Variants in RABGAP1L observed in about 807,000 individuals in gnomAD.
RABGAP1L encodes the protein rab GTPase-activating protein 1-like.
In RABGAP1L, 63 loss-of-function variants were observed where a neutral mutation model predicts 137.7. That is an observed-to-expected ratio of 0.46 (90% CI 0.37 to 0.56). RABGAP1L has a LOEUF of 0.56. Ranked by LOEUF, RABGAP1L falls within the 20% of genes least tolerant of loss-of-function variation. The pLI, the probability that RABGAP1L is intolerant of heterozygous loss-of-function variation, is 0.00. For missense variants in RABGAP1L, 1,095 were observed against 1,244.0 expected, an observed-to-expected ratio of 0.88 and a Z score of 1.80; for synonymous variants, 431 against 433.7, an observed-to-expected ratio of 0.99 and a Z score of 0.08.
At position 174,367,584 on chromosome 1, in the gene RABGAP1L, T is replaced by A. The variant is rs1684761169; in HGVS notation, c.1466-3395T>A. ...TTTCTGTTTAGCTGGTTAGGTCTCT[T>A]GAGAACTGCAACTGGTTTCCTATGC... On this transcript the variant is annotated intron_variant, in intron 11 of 25. Coordinates refer to ENST00000681986, the MANE Select transcript of RABGAP1L (RefSeq NM_001366446.1). 1.5e-5 allele frequency: 4 copies of A among 273,546 alleles called. No homozygotes were observed. In the Middle Eastern group the frequency reaches 1.5e-3, roughly 100 times the overall value. 16.9% of individuals were successfully genotyped at this position (273,546 alleles called of 1,614,324 possible). A position where few individuals can be genotyped will look rare whatever the true frequency, so the allele number is the denominator to read the frequency against.
At chr1:174,643,349 G>A (rs926643879) in intron 14 of RABGAP1L, among the ~76,000 whole-genome samples, 1 of 152,152 alleles carries the variant, frequency 6.6e-6, no homozygotes, top group Non-Finnish European at 1.5e-5. Flanking sequence ...CTAGTAAGCT[G>A]CTTTGAATTA....
At chr1:174,404,458 T>C (rs1354611355) in intron 13 of RABGAP1L, among the ~76,000 whole-genome samples, 1 of 152,156 alleles carries the variant, frequency 6.6e-6, no homozygotes, top group Non-Finnish European at 1.5e-5. Flanking sequence ...TATGCATCAA[T>C]GCGTTAAATA....
intron 17 of RABGAP1L, among the ~76,000 whole-genome samples, chr1:174,749,098 C>T (rs916226663): frequency 2.6e-5 from 4 of 151,380 alleles, no homozygotes; most frequent in Non-Finnish European, 5.9e-5. Flanking sequence ...ATCGCCTGAA[C>T]CCAGGAAGTG....
chr1:174,666,126 G>T (rs1676767987), intron 14 of RABGAP1L, among the ~76,000 whole-genome samples: 2 of 152,150 alleles, frequency 1.3e-5, no homozygotes, highest in African/African-American at 4.8e-5. Flanking sequence ...TGTGAGAACA[G>T]ATCTCTTCTT....
Position 174,784,803 on chromosome 1 carries a change from C to T in RABGAP1L, c.2212-27029C>T, listed in dbSNP as rs142935591. ...ACCTGGTACTAGGCTTTTACATGTT[C>T]TACAAGCCCTTGCATGGTTGAGGAA... On this transcript the variant is annotated intron_variant, in intron 18 of 25. Transcript: ENST00000681986. Among the ~76,000 whole-genome samples the T allele has an allele frequency of 2.5e-3, 376 of 152,294 alleles. 3 individuals are homozygous for T. Among genetic ancestry groups the T allele is most frequent in the African/African-American group, 8.6e-3 (357 of 41,550 alleles).
intron 11 of RABGAP1L, among the ~76,000 whole-genome samples, chr1:174,339,845 G>A (rs1681816411): frequency 6.6e-6 from 1 of 152,056 alleles, no homozygotes. Flanking sequence ...GACCTCAAGT[G>A]ATCCACCCAC....
chr1:174,679,155 C>T (rs1677865014), intron 14 of RABGAP1L, among the ~76,000 whole-genome samples: 2 of 152,172 alleles, frequency 1.3e-5, no homozygotes, highest in South Asian at 4.1e-4. Flanking sequence ...TTGGCTATTT[C>T]TTTACCTCCT....
At chr1:174,752,506 C>T (rs1684417702) in intron 18 of RABGAP1L, 152 bp downstream of exon 18, 1 of 534,346 alleles carries the variant, frequency 1.9e-6, no homozygotes, top group African/African-American at 2.0e-5. Flanking sequence ...CCTCTTCCCT[C>T]CTCTCATCTT....
intron 11 of RABGAP1L, among the ~76,000 whole-genome samples, chr1:174,337,928 A>C (rs182820122): frequency 6.6e-6 from 1 of 152,324 alleles, no homozygotes; most frequent in Admixed American, 6.5e-5. Context: ...AATAGGAATA[A>C]ACAGTTTAAA....
At chr1:174,577,045 T>C (rs1308950479) in intron 13 of RABGAP1L, among the ~76,000 whole-genome samples, 1 of 152,032 alleles carries the variant, frequency 6.6e-6, no homozygotes, top group Non-Finnish European at 1.5e-5. Context: ...TAGCTGGGCA[T>C]TGTGGCATGC....
chr1:174,629,011 CATT>C (rs1305203119), intron 13 of RABGAP1L, among the ~76,000 whole-genome samples: 3 of 152,124 alleles, frequency 2.0e-5, no homozygotes, highest in African/African-American at 7.2e-5. Flanking sequence ...CCTCTTTCTT[CATT>C]ATATTTCTTG....
At chr1:174,632,587 C>G (rs1013566121) in intron 13 of RABGAP1L, among the ~76,000 whole-genome samples, 2 of 149,894 alleles carry the variant, frequency 1.3e-5, no homozygotes, top group South Asian at 4.2e-4. Flanking sequence ...AGGCTTTGCT[C>G]ATTTCTTTTT....
chr1:174,956,650 C>CTTT (rs749236387), intron 19 of RABGAP1L, among the ~76,000 whole-genome samples: 1 of 139,766 alleles, frequency 7.2e-6, no homozygotes, highest in African/African-American at 2.6e-5. Flanking sequence ...CTCTTCTCTT[C>CTTT]TTTTTTTTTT....
At chr1:174,758,619 T>C (rs1014103173) in intron 18 of RABGAP1L, among the ~76,000 whole-genome samples, 1 of 152,196 alleles carries the variant, frequency 6.6e-6, no homozygotes, top group Non-Finnish European at 1.5e-5. Context: ...AAGACATTAT[T>C]TCATTCTTTT....
At position 174,394,022 on chromosome 1, in the gene RABGAP1L, A is replaced by G. The variant is rs778634410; in HGVS notation, c.1587A>G (p.Lys529=). 7 of 1,613,358 alleles carry G rather than the reference A, an allele frequency of 4.3e-6. No homozygotes were observed. The African/African-American group carries it at 6.7e-5, about 15-fold the overall frequency. Residue 529 remains lysine (K), a synonymous_variant, in exon 13 of 26, where the codon AAA becomes AAG. Transcript: ENST00000681986. The part of the protein sequence containing the change: ...KWHSNLGARP[K]GLSTLVKSGV... ...ACAGTAACCTTGGTGCACGACCGAA[A>G]GGGCTGTCTACTCTGGTGAAGAGTG...
intron 19 of RABGAP1L, among the ~76,000 whole-genome samples, chr1:174,952,762 G>C (rs1033775957): frequency 3.3e-5 from 5 of 151,936 alleles, no homozygotes; most frequent in African/African-American, 4.8e-5. Context: ...GCTAATTTTT[G>C]TATGTTTTGT....
At chr1:174,751,345 G>A (rs1684320407) in intron 17 of RABGAP1L, among the ~76,000 whole-genome samples, 1 of 152,110 alleles carries the variant, frequency 6.6e-6, no homozygotes, top group African/African-American at 2.4e-5. Flanking sequence ...AAGAAGCATG[G>A]TTTATTATAA....
At chr1:174,574,099 C>G (rs755531175) in intron 13 of RABGAP1L, among the ~76,000 whole-genome samples, 1 of 152,162 alleles carries the variant, frequency 6.6e-6, no homozygotes, top group Non-Finnish European at 1.5e-5. Flanking sequence ...GCAGGTCCCC[C>G]AGGACCTTTC....
intron 13 of RABGAP1L, among the ~76,000 whole-genome samples, chr1:174,493,523 T>C (rs1434923900): frequency 2.6e-5 from 4 of 151,924 alleles, no homozygotes; most frequent in Non-Finnish European, 5.9e-5. Context: ...AAGTTGATGA[T>C]AATTTTATAG....
Sources: allele counts gnomAD v4.1 joint callset (sites outside exome capture counted in the v4.1 genomes callset), GRCh38; gene constraint gnomAD v4.1.1; transcripts MANE v1.5; gene names NCBI Gene and HGNC (gene_info 2026-07-23, HGNC 2026-07-21).